The following MRPL37 variants were observed in gnomAD, a reference collection of about 807,000 sequenced individuals.
MRPL37 encodes large ribosomal subunit protein mL37.
A neutral mutation model predicts 44.1 loss-of-function variants in MRPL37; 34 were observed. The ratio of observed to expected loss-of-function variants is 0.77; its 90% confidence interval spans 0.59 to 1.03. The LOEUF (loss-of-function observed/expected upper bound fraction) is 1.03. MRPL37 is among the 50% of genes least tolerant of loss of function. The pLI is 0.00. For synonymous variants in MRPL37, 212 were observed against 219.5 expected (o/e 0.97, Z 0.30); for missense variants, 532 against 543.7 (o/e 0.98, Z 0.21).
At chr1:54,200,856 T>C (rs1374636763) in intron 1 of MRPL37, among the ~76,000 whole-genome samples, 2 of 152,230 alleles carry the variant, frequency 1.3e-5, no homozygotes, top group Admixed American at 6.5e-5. Flanking sequence ...CTCTTTGACT[T>C]TGGGCAAATG....
chr1:54,216,425 G>A, intron 6 of MRPL37, 81 bp downstream of exon 6: 1 of 1,509,498 alleles, frequency 6.6e-7, no homozygotes, highest in South Asian at 1.2e-5. Context: ...GGATTGCTGG[G>A]GTGCTCTGTG....
At chr1:54,219,546 C>T (rs1644219765), downstream of MRPL37, among the ~76,000 whole-genome samples, 2 of 152,126 alleles carry the variant, frequency 1.3e-5, no homozygotes, top group South Asian at 2.1e-4. Context: ...ACACCAAGCA[C>T]CTCACCTCCT....
chr1:54,210,217 C>T, intron 4 of MRPL37, 86 bp downstream of exon 4: 4 of 1,356,898 alleles, frequency 2.9e-6, no homozygotes. Context: ...TAAGAACTTG[C>T]TAGGTGCTAG....
chr1:54,216,326 CA>C lies in MRPL37; in HGVS notation c.1181del (p.Lys394ArgfsTer22). 6.2e-7 allele frequency: 1 copy of C among 1,613,950 alleles called. No individual in the cohort carries two copies. Reference protein sequence around the residue: ...YQHFWCLPVIKKRVVVEPVGP... With the variant: ...YQHFWCLPVIXKRVVVEPVGP... The stretch of plus-strand genomic sequence containing the variant: ...AGCATTTTTGGTGTCTCCCAGTGAT[CA>C]AAAAGAGAGTGGTTGTGGTAAGTTG... On this transcript the variant is annotated frameshift_variant, in exon 6 of 7. Coordinates refer to ENST00000360840, the MANE Select transcript of MRPL37 (RefSeq NM_016491.4). LOFTEE classifies it high-confidence loss of function.
At chr1:54,212,786 G>A (rs1002310498) in intron 5 of MRPL37, 128 bp downstream of exon 5, 3 of 1,321,966 alleles carry the variant, frequency 2.3e-6, no homozygotes, top group Non-Finnish European at 3.1e-6. Context: ...TTAGGGAGGA[G>A]TACTTCAGCC....
intron 1 of MRPL37, among the ~76,000 whole-genome samples, chr1:54,204,201 G>GGT (rs1644104820): frequency 6.6e-6 from 1 of 152,176 alleles, no homozygotes; most frequent in South Asian, 2.1e-4. Context: ...TGGACAACAT[G>GGT]GTGAAACCCT....
At chr1:54,223,694 C>T (rs566578434), downstream of MRPL37, among the ~76,000 whole-genome samples, 1 of 152,174 alleles carries the variant, frequency 6.6e-6, no homozygotes, top group East Asian at 1.9e-4. Context: ...CTGTGGACAG[C>T]GATGACTCCA....
chr1:54,216,239 C>T lies in MRPL37; in HGVS notation c.1089C>T (p.Asp363=). ...HFLVFQLNTT[D]LDCNEGVKNL... ...TAGTGTTTCAACTGAATACCACAGA[C>T]CTGGACTGTAACGAGGGTGTCAAGA... The change falls in exon 6 of 7, where the codon GAC becomes GAT. Residue 363 remains aspartate, a synonymous_variant. Coordinates refer to ENST00000360840, the MANE Select transcript of MRPL37 (RefSeq NM_016491.4). 1 of 1,614,194 alleles carries T rather than the reference C, an allele frequency of 6.2e-7. No individual in the cohort carries two copies.
At chr1:54,220,061 GT>G (rs145512851), downstream of MRPL37, among the ~76,000 whole-genome samples, 2 of 147,946 alleles carry the variant, frequency 1.4e-5, no homozygotes, top group Non-Finnish European at 3.0e-5. Flanking sequence ...TGAGTCAAAC[GT>G]TTTTTTTTTT....
chr1:54,220,514 T>C (rs559001737), downstream of MRPL37: 10 of 378,910 alleles, frequency 2.6e-5, no homozygotes, highest in South Asian at 1.8e-4. Flanking sequence ...GTTTTTTTTA[T>C]TGTCCCCATG....
rs1380860887 is a variant in MRPL37 at position 54,200,447 on chromosome 1, C to T, written c.204C>T (p.Pro68=). The change falls in exon 1 of 7, where the codon CCC becomes CCT. Residue 68 remains proline, a synonymous_variant. Transcript: ENST00000360840. The part of the protein sequence containing the change: ...ITFAGKMHFV[P]WLARPIFPPW... ...TTGCGGGGAAGATGCACTTCGTGCC[C>T]TGGCTGGCGCGGCCGATCTTTCCGC... The T allele has an allele frequency of 3.7e-6, 6 of 1,614,154 alleles. No homozygotes were observed. Among genetic ancestry groups the T allele is most frequent in the African/African-American group, 2.7e-5 (2 of 74,962 alleles).
At chr1:54,202,605 A>G (rs1890566) in intron 1 of MRPL37, among the ~76,000 whole-genome samples, 52,696 of 151,812 alleles carry the variant, frequency 0.35, 9,965 homozygotes, top group Middle Eastern at 0.55. Context: ...GGCCTAATCT[A>G]TCCTTCCACC....
chr1:54,201,768 A>G (rs868326554), intron 1 of MRPL37, among the ~76,000 whole-genome samples: 4 of 152,184 alleles, frequency 2.6e-5, no homozygotes, highest in African/African-American at 9.7e-5. Flanking sequence ...TTCATTTTTC[A>G]TTTTATGAAA....
At chr1:54,204,278 A>G (rs1644105297) in intron 1 of MRPL37, among the ~76,000 whole-genome samples, 1 of 152,136 alleles carries the variant, frequency 6.6e-6, no homozygotes, top group Non-Finnish European at 1.5e-5. Flanking sequence ...GCTACTTGAG[A>G]AGCTGAGGCA....
At chr1:54,208,885 C>T (rs997764364) in intron 3 of MRPL37, among the ~76,000 whole-genome samples, 1 of 152,048 alleles carries the variant, frequency 6.6e-6, no homozygotes, top group Admixed American at 6.6e-5. Context: ...AAAATGGCAT[C>T]TAGTAAGTAG....
At position 54,216,311 on chromosome 1, in the gene MRPL37, G is replaced by A. The variant is rs754567542; in HGVS notation, c.1161G>A (p.Trp387Ter). ...DSDQLLYQHF[W>*]CLPVIKKRVV... ...ACCAGCTCCTCTATCAGCATTTTTGGTGTCTCCCAGTGATCAAAAAGAGAG... is the reference window on the plus strand; with the variant it reads ...ACCAGCTCCTCTATCAGCATTTTTGATGTCTCCCAGTGATCAAAAAGAGAG... Residue 387 changes from tryptophan (W) to a stop codon, truncating the protein, a stop_gained, in exon 6 of 7, where the codon TGG (tryptophan) becomes TGA (stop). Coordinates refer to ENST00000360840, the MANE Select transcript of MRPL37 (RefSeq NM_016491.4). LOFTEE classifies it high-confidence loss of function. 6.2e-7 allele frequency: 1 copy of A among 1,613,992 alleles called. No individual in the cohort carries two copies. Among genetic ancestry groups the A allele is most frequent in the African/African-American group, 1.3e-5 (1 of 74,916 alleles).
intron 6 of MRPL37, among the ~76,000 whole-genome samples, chr1:54,217,777 G>A (rs779847409): frequency 1.3e-5 from 2 of 152,188 alleles, no homozygotes; most frequent in African/African-American, 4.8e-5. Flanking sequence ...AGGAACCAGA[G>A]TCAAGTTACT....
Position 54,209,986 on chromosome 1 carries a change from A to G in MRPL37, c.687A>G (p.Arg229=), listed in dbSNP as rs1467519560. 1 of 1,614,180 alleles carries G rather than the reference A, an allele frequency of 6.2e-7. No homozygotes were observed. The highest frequency in any genetic ancestry group is 1.1e-5 in the South Asian group (1 of 91,080). ...AAGTCCGTGGTTCTGGTGGAGCCCGACTGAGCACTAAGGATCCTCTGCCCA... is the reference window on the plus strand; with the variant it reads ...AAGTCCGTGGTTCTGGTGGAGCCCGGCTGAGCACTAAGGATCCTCTGCCCA... ...LLQVRGSGGA[R]LSTKDPLPTI... is the part of the protein sequence containing the mutation. Residue 229 remains arginine, a synonymous_variant, in exon 4 of 7, where the codon CGA becomes CGG. Transcript: ENST00000360840.
chr1:54,213,813 C>T (rs569753385), intron 5 of MRPL37, among the ~76,000 whole-genome samples: 41 of 152,308 alleles, frequency 2.7e-4, no homozygotes, highest in Non-Finnish European at 4.7e-4. Context: ...TTTGGGAAGC[C>T]GAGGTAGGAG....
Sources: gnomAD v4.1 joint callset for allele counts (sites outside exome capture counted in the v4.1 genomes callset) on GRCh38, gnomAD v4.1.1 for gene constraint, MANE v1.5 for transcripts, NCBI Gene and HGNC (gene_info 2026-07-23, HGNC 2026-07-21) for gene names.